EPB41L4A: variants seen among roughly 807,000 people sequenced by gnomAD.
EPB41L4A encodes band 4.1-like protein 4A.
EPB41L4A carries 100 observed loss-of-function variants against 108.6 expected under a neutral mutation model. The ratio of observed to expected loss-of-function variants is 0.92; its 90% CI spans 0.78 to 1.09. EPB41L4A has a LOEUF of 1.09. EPB41L4A is among the 50% of genes least tolerant of loss of function. The probability of loss-of-function intolerance (pLI) is 0.00; values close to 1 mark genes in which losing one functional copy is unlikely to be tolerated. For synonymous variants in EPB41L4A, 319 were observed against 289.0 expected, an observed-to-expected ratio of 1.10 and a Z score of -1.05; for missense variants, 1,030 against 842.7, an observed-to-expected ratio of 1.22 and a Z score of -2.75.
chr5:112,220,119 T>C (rs914441227), intron 12 of EPB41L4A, among the ~76,000 whole-genome samples: 1 of 152,258 alleles, frequency 6.6e-6, no homozygotes, highest in Non-Finnish European at 1.5e-5. Flanking sequence ...AGTCTATTCC[T>C]ACTTTTATTT....
chr5:112,329,917 T>C (rs1580698496), intron 1 of EPB41L4A, among the ~76,000 whole-genome samples: 1 of 152,120 alleles, frequency 6.6e-6, no homozygotes. Context: ...CTTACAGGTC[T>C]CCACAAGGCT....
chr5:112,264,782 T>C (rs1751733205), intron 6 of EPB41L4A, 114 bp downstream of exon 6: 1 of 1,025,612 alleles, frequency 9.8e-7, no homozygotes, highest in African/African-American at 1.6e-5. Flanking sequence ...AAGAGGAGTA[T>C]TAGAATATTA....
intron 1 of EPB41L4A, among the ~76,000 whole-genome samples, chr5:112,412,342 C>T (rs1762459336): frequency 6.6e-6 from 1 of 152,236 alleles, no homozygotes; most frequent in South Asian, 2.1e-4. Context: ...TCCGAAGGAA[C>T]TATTCCAGAC....
At chr5:112,341,067 T>C (rs1166853898) in intron 1 of EPB41L4A, among the ~76,000 whole-genome samples, 1 of 152,156 alleles carries the variant, frequency 6.6e-6, no homozygotes, top group African/African-American at 2.4e-5. Context: ...ACGCCATCTC[T>C]CCTATCCCCA....
intron 18 of EPB41L4A, among the ~76,000 whole-genome samples, chr5:112,179,907 G>T (rs547233321): frequency 1.1e-4 from 16 of 152,062 alleles, no homozygotes; most frequent in Non-Finnish European, 1.9e-4. Flanking sequence ...GCAGAAAATC[G>T]TAAGAAACTG....
chr5:112,279,991 T>G (rs889831468), intron 3 of EPB41L4A, among the ~76,000 whole-genome samples: 1 of 152,132 alleles, frequency 6.6e-6, no homozygotes, highest in Non-Finnish European at 1.5e-5. Flanking sequence ...AAGGTCAAAT[T>G]TTAAAGACAA....
At chr5:112,337,862 C>T (rs557706781) in intron 1 of EPB41L4A, among the ~76,000 whole-genome samples, 1 of 152,186 alleles carries the variant, frequency 6.6e-6, no homozygotes, top group African/African-American at 2.4e-5. Context: ...TGGGCCATTC[C>T]TTGGAAGTGA....
chr5:112,300,839 T>G (rs1754305494), intron 2 of EPB41L4A, among the ~76,000 whole-genome samples: 1 of 152,220 alleles, frequency 6.6e-6, no homozygotes, highest in South Asian at 2.1e-4. Flanking sequence ...TTGTTCATTT[T>G]TTTAATGCTT....
At chr5:112,277,787 G>T (rs1752708021) in intron 3 of EPB41L4A, among the ~76,000 whole-genome samples, 1 of 152,198 alleles carries the variant, frequency 6.6e-6, no homozygotes, top group African/African-American at 2.4e-5. Context: ...ACAAGGATAT[G>T]TCTAGCCAGA....
rs116519294 is a variant in EPB41L4A at position 112,411,175 on chromosome 5, T to G, written c.99+7766A>C. Among the ~76,000 whole-genome samples the G allele has an allele frequency of 4.9e-3, 750 of 152,256 alleles. 9 individuals are homozygous for G. Among genetic ancestry groups the G allele is most frequent in the African/African-American group, 0.016 (685 of 41,552 alleles). On this transcript the variant is annotated intron_variant, in intron 1 of 22. Transcript: ENST00000261486. ...TGGAGGAGGGTAGTGATGGCTGGCT[T>G]AGGCATCTAGTGCAGAATCTAGTAA...
intron 12 of EPB41L4A, among the ~76,000 whole-genome samples, chr5:112,156,263 C>T (rs754146819): frequency 6.6e-6 from 1 of 152,086 alleles, no homozygotes; most frequent in East Asian, 1.9e-4. Flanking sequence ...ATAAAAATGA[C>T]ACACACACCA....
At chr5:112,302,911 ATT>A (rs1754460032) in intron 2 of EPB41L4A, among the ~76,000 whole-genome samples, 1 of 152,074 alleles carries the variant, frequency 6.6e-6, no homozygotes, top group African/African-American at 2.4e-5. Context: ...ACCTGCCATC[ATT>A]GTTTCCCAGA....
At chr5:112,245,293 C>A (rs1750123751) in intron 9 of EPB41L4A, among the ~76,000 whole-genome samples, 1 of 152,158 alleles carries the variant, frequency 6.6e-6, no homozygotes, top group African/African-American at 2.4e-5. Flanking sequence ...GTCTCAAATG[C>A]AGCAAATGCC....
At chr5:112,230,428 A>G (rs1428418147) in intron 12 of EPB41L4A, among the ~76,000 whole-genome samples, 2 of 152,146 alleles carry the variant, frequency 1.3e-5, no homozygotes, top group Non-Finnish European at 2.9e-5. Context: ...TCATTCTTGC[A>G]GGAGTAAAGC....
intron 22 of EPB41L4A, among the ~76,000 whole-genome samples, chr5:112,166,679 T>G (rs1760268791): frequency 6.6e-6 from 1 of 152,274 alleles, no homozygotes; most frequent in African/African-American, 2.4e-5. Flanking sequence ...TTTAACTGTT[T>G]ACTTTTATGC....
chr5:112,343,124 A>G (rs548535606), intron 1 of EPB41L4A, among the ~76,000 whole-genome samples: 3 of 152,306 alleles, frequency 2.0e-5, no homozygotes, highest in African/African-American at 4.8e-5. Context: ...ACTTTCCATA[A>G]CAGTTTTTTA....
intron 12 of EPB41L4A, among the ~76,000 whole-genome samples, chr5:112,224,038 G>A (rs1748273819): frequency 6.6e-6 from 1 of 152,072 alleles, no homozygotes; most frequent in Non-Finnish European, 1.5e-5. Context: ...TGCAGCCTCC[G>A]CCCCGCAGGT....
At chr5:112,326,306 A>C (rs1333028174) in intron 1 of EPB41L4A, among the ~76,000 whole-genome samples, 1 of 152,010 alleles carries the variant, frequency 6.6e-6, no homozygotes, top group African/African-American at 2.4e-5. Flanking sequence ...ATCCAGAAGG[A>C]AATTCCATCA....
In EPB41L4A at chr5:112,204,419, G is replaced by C. The variant is rs1762367943; in HGVS notation, c.1332C>G (p.Pro444=). 1 of 1,613,838 alleles carries C rather than the reference G, an allele frequency of 6.2e-7. No individual in the cohort carries two copies. Among genetic ancestry groups the C allele is most frequent in the South Asian group, 1.1e-5 (1 of 91,078 alleles). Reference sequence around the variant, plus strand: ...CAGAATCATTGTCACTTCCACAGGAGGGGTTTCGGCGACGCGTGTAAGGGA... The same window carrying C: ...CAGAATCATTGTCACTTCCACAGGACGGGTTTCGGCGACGCGTGTAAGGGA... ...PKFPYTRRRN[P]SCGSDNDSVQ... is the part of the protein sequence containing the mutation. Residue 444 remains proline, a synonymous_variant, in exon 15 of 23, where the codon CCC becomes CCG. Transcript: ENST00000261486.
Sources: gnomAD v4.1 joint callset for allele counts (sites outside exome capture counted in the v4.1 genomes callset) on GRCh38, gnomAD v4.1.1 for gene constraint, MANE v1.5 for transcripts, NCBI Gene and HGNC (gene_info 2026-07-23, HGNC 2026-07-21) for gene names.